Variants in HS2ST1 observed in about 807,000 individuals in gnomAD.
The protein encoded by HS2ST1 is 2-O-sulfotransferase.
HS2ST1 carries 18 observed loss-of-function variants against 42.9 expected under a neutral mutation model. That is an observed-to-expected ratio of 0.42 (90% confidence interval 0.29 to 0.62). HS2ST1 has a LOEUF of 0.62. Among genes scored for constraint, HS2ST1 ranks in the 20% least tolerant of loss-of-function variants. HS2ST1 has a pLI of 0.21. For missense variants in HS2ST1, 334 were observed against 433.8 expected (o/e 0.77, Z 2.04); for synonymous variants, 146 against 152.9 (o/e 0.95, Z 0.33).
At chr1:87,049,225 CTG>C (rs1650772630) in intron 1 of HS2ST1, among the ~76,000 whole-genome samples, 1 of 151,782 alleles carries the variant, frequency 6.6e-6, no homozygotes, top group African/African-American at 2.4e-5. Flanking sequence ...CTTTTATTGT[CTG>C]TAGTATTCTC....
chr1:86,984,039 C>A (rs375768367), intron 1 of HS2ST1, among the ~76,000 whole-genome samples: 51 of 145,084 alleles, frequency 3.5e-4, no homozygotes, highest in South Asian at 4.4e-4. Flanking sequence ...GGCTCCATCT[C>A]AAAAAAAAAA....
intron 1 of HS2ST1, among the ~76,000 whole-genome samples, chr1:87,019,186 T>C (rs1649849219): frequency 6.6e-6 from 1 of 152,234 alleles, no homozygotes; most frequent in Non-Finnish European, 1.5e-5. Context: ...TTAAAATTGC[T>C]TATCACTGTA....
chr1:86,993,379 G>A (rs1023887521), intron 1 of HS2ST1, among the ~76,000 whole-genome samples: 1 of 151,898 alleles, frequency 6.6e-6, no homozygotes, highest in Non-Finnish European at 1.5e-5. Flanking sequence ...GTGGGCGGGG[G>A]GTTGTTCCTG....
At chr1:87,095,286 A>C (rs546110321) in intron 4 of HS2ST1, among the ~76,000 whole-genome samples, 3 of 152,294 alleles carry the variant, frequency 2.0e-5, no homozygotes, top group African/African-American at 7.2e-5. Flanking sequence ...TTATTCTCAA[A>C]AATGTGTAGA....
chr1:87,034,122 C>A (rs1031222585), intron 1 of HS2ST1, among the ~76,000 whole-genome samples: 1 of 152,110 alleles, frequency 6.6e-6, no homozygotes, highest in African/African-American at 2.4e-5. Context: ...AGACCATCTA[C>A]CCTTTTATTT....
At chr1:86,927,419 T>C (rs1046346654) in intron 1 of HS2ST1, among the ~76,000 whole-genome samples, 7 of 152,066 alleles carry the variant, frequency 4.6e-5, no homozygotes, top group African/African-American at 1.4e-4. Flanking sequence ...TGTGGGAAGG[T>C]AGTGATTTGA....
chr1:86,988,291 G>A (rs1648848775), intron 1 of HS2ST1, among the ~76,000 whole-genome samples: 1 of 152,178 alleles, frequency 6.6e-6, no homozygotes, highest in Admixed American at 6.5e-5. Context: ...TGCCATGTCT[G>A]GACTGCGAGT....
At position 87,109,848 on chromosome 1, in the gene HS2ST1, A is replaced by G. The variant is rs1652428279; in HGVS notation, c.*5152A>G. 1.3e-5 allele frequency: 2 copies of G among 152,106 alleles called. No homozygotes were observed. Among genetic ancestry groups the G allele is most frequent in the Admixed American group, 1.3e-4 (2 of 15,254 alleles). 9.4% of individuals were successfully genotyped at this position (152,106 alleles called of 1,614,324 possible). On this transcript the variant is annotated 3_prime_UTR_variant, in exon 7 of 7. Coordinates refer to ENST00000370550, the MANE Select transcript of HS2ST1 (RefSeq NM_012262.4). The stretch of plus-strand genomic sequence containing the variant: ...TGTAAAGGTTGGGCATGATGTATGC[A>G]AAGTACTGGCCAGGGTAGACTAATA...
Position 87,107,624 on chromosome 1 carries a change from G to A in HS2ST1, c.*2928G>A, listed in dbSNP as rs1652355923. The A allele has an allele frequency of 9.2e-6, 1 of 108,790 alleles. No homozygotes were observed. Among genetic ancestry groups the A allele is most frequent in the African/African-American group, 3.6e-5 (1 of 28,026 alleles). 6.7% of individuals were successfully genotyped at this position (108,790 alleles called of 1,614,324 possible). ...GAATTTTAAAGATAATGTTATGTGT[G>A]TATGTGAAATATATATACATATATA... is the stretch of plus-strand genomic sequence containing the variant. On this transcript the variant is annotated 3_prime_UTR_variant, in exon 7 of 7. Coordinates refer to ENST00000370550, the MANE Select transcript of HS2ST1 (RefSeq NM_012262.4).
chr1:86,971,072 C>T (rs573410525), intron 1 of HS2ST1, among the ~76,000 whole-genome samples: 1 of 152,186 alleles, frequency 6.6e-6, no homozygotes, highest in South Asian at 2.1e-4. Context: ...ACTTTATTGA[C>T]TAATTTTATT....
chr1:86,939,012 G>A (rs1210849686), intron 1 of HS2ST1, among the ~76,000 whole-genome samples: 1 of 152,120 alleles, frequency 6.6e-6, no homozygotes, highest in Non-Finnish European at 1.5e-5. Flanking sequence ...AAGCTCAAGT[G>A]TTGTTTTTTT....
intron 1 of HS2ST1, among the ~76,000 whole-genome samples, chr1:86,977,272 G>C (rs1185493835): frequency 6.6e-6 from 1 of 152,094 alleles, no homozygotes. Context: ...GTATACACTA[G>C]TAGTCAAAGC....
Position 87,045,177 on chromosome 1 carries a change from G to C in HS2ST1, c.125-27757G>C, listed in dbSNP as rs1650617066. ...GGTTATGCTTTTGGCAGCATCTTCAGCTTGTTTTGGCCCCACTTTTTCTGG... is the reference window on the plus strand; with the variant it reads ...GGTTATGCTTTTGGCAGCATCTTCACCTTGTTTTGGCCCCACTTTTTCTGG... On this transcript the variant is annotated intron_variant, in intron 1 of 6. Transcript: ENST00000370550. The C allele has an allele frequency of 7.9e-6, 7 of 889,940 alleles. No homozygotes were observed. The South Asian group carries it at 9.2e-5, about 12-fold the overall frequency. The allele number at this position is 889,940 out of a possible 1,614,324, so 55.1% of individuals were successfully genotyped here.
At position 86,959,002 on chromosome 1, in the gene HS2ST1, G is replaced by A. The variant is rs112985912; in HGVS notation, c.124+43842G>A. 2.6e-3 allele frequency among the ~76,000 whole-genome samples: 397 copies of A among 152,290 alleles called. 3 individuals carry two copies. Among genetic ancestry groups the A allele is most frequent in the African/African-American group, 9.1e-3 (378 of 41,548 alleles). ...TAAGAAAAATCATATGGTCATATCA[G>A]TAGATGCAGAAAAAGCATTTGATAA... On this transcript the variant is annotated intron_variant, in intron 1 of 6. Coordinates refer to ENST00000370550, the MANE Select transcript of HS2ST1 (RefSeq NM_012262.4).
chr1:87,051,219 A>AT lies in HS2ST1; in HGVS notation c.125-21704dup, dbSNP rs550494533. Among the ~76,000 whole-genome samples the AT allele has an allele frequency of 1.5e-3, 221 of 147,174 alleles. No homozygotes were observed. The Middle Eastern group carries it at 0.022, about 14-fold the overall frequency. ...CAAAAAGTCACGTTAATTCTACATG[A>AT]TTTTTTTTTTTCAGTTTTCGTGGTT... On this transcript the variant is annotated intron_variant, in intron 1 of 6. Coordinates refer to ENST00000370550, the MANE Select transcript of HS2ST1 (RefSeq NM_012262.4).
At chr1:86,985,445 C>T (rs1249583135) in intron 1 of HS2ST1, among the ~76,000 whole-genome samples, 2 of 55,922 alleles carry the variant, frequency 3.6e-5, no homozygotes, top group Admixed American at 2.7e-4. Flanking sequence ...CATATATACA[C>T]ATATATACAC....
At chr1:86,990,689 G>GCT (rs1239668075) in intron 1 of HS2ST1, among the ~76,000 whole-genome samples, 1 of 148,770 alleles carries the variant, frequency 6.7e-6, no homozygotes, top group Non-Finnish European at 1.5e-5. Flanking sequence ...TGTTGCCAAG[G>GCT]CTAGAGTGCA....
chr1:86,949,824 TATC>T (rs1157929051), intron 1 of HS2ST1, among the ~76,000 whole-genome samples: 1 of 152,160 alleles, frequency 6.6e-6, no homozygotes, highest in Non-Finnish European at 1.5e-5. Context: ...AGACTCCTAT[TATC>T]ATAACATTTT....
At chr1:86,948,046 G>A (rs998704449) in intron 1 of HS2ST1, among the ~76,000 whole-genome samples, 1 of 151,974 alleles carries the variant, frequency 6.6e-6, no homozygotes, top group Non-Finnish European at 1.5e-5. Context: ...ATCAGGGAGT[G>A]AAGTTTGGAT....
Sources: allele counts gnomAD v4.1 joint callset (sites outside exome capture counted in the v4.1 genomes callset), GRCh38; gene constraint gnomAD v4.1.1; transcripts MANE v1.5; gene names NCBI Gene and HGNC (gene_info 2026-07-23, HGNC 2026-07-21).